TTC6: variants seen among roughly 807,000 people sequenced by gnomAD.
TTC6 encodes the protein tetratricopeptide repeat domain 6.
In TTC6, 172 loss-of-function variants were observed where a neutral mutation model predicts 210.4. The observed-to-expected ratio is 0.82, with a 90% confidence interval of 0.72 to 0.93. The LOEUF (loss-of-function observed/expected upper bound fraction) is 0.93, where lower values mean the gene tolerates loss of function less well. Among genes scored for constraint, TTC6 ranks in the 40% least tolerant of loss-of-function variants. The pLI, the probability that TTC6 is intolerant of heterozygous loss-of-function variation, is 0.00. For missense variants in TTC6, 2,414 were observed against 2,318.1 expected (o/e 1.04, Z -0.85); for synonymous variants, 804 against 819.6 (o/e 0.98, Z 0.32).
intron 14 of TTC6, among the ~76,000 whole-genome samples, chr14:37,771,589 A>G (rs964417933): frequency 2.0e-5 from 3 of 151,814 alleles, no homozygotes; most frequent in Non-Finnish European, 2.9e-5. Flanking sequence ...CTTCCAGTTG[A>G]TTGCATTGGC....
chr14:37,734,580 A>G (rs1424000755), intron 7 of TTC6, among the ~76,000 whole-genome samples: 2 of 152,160 alleles, frequency 1.3e-5, no homozygotes, highest in African/African-American at 4.8e-5. Flanking sequence ...AAAGTTCCTA[A>G]TGTTACCTAA....
At position 37,615,456 on chromosome 14, in the gene TTC6, C is replaced by G. The variant is rs1388261920; in HGVS notation, c.-154-6594C>G. ...TTAGCGCTTTTTGGTATTATCCTTA[C>G]AGGGATATCAGGCTTTCTTTTTTGT... is the stretch of plus-strand genomic sequence containing the variant. On this transcript the variant is annotated intron_variant, in intron 2 of 2. Transcript: ENST00000556845. Among the ~76,000 whole-genome samples the G allele has an allele frequency of 2.6e-5, 4 of 152,078 alleles. No homozygotes were observed. In the South Asian group the frequency reaches 6.2e-4, roughly 24 times the overall value.
chr14:37,690,997 A>C (rs1192963838), intron 3 of TTC6, among the ~76,000 whole-genome samples: 2 of 152,150 alleles, frequency 1.3e-5, no homozygotes, highest in South Asian at 4.1e-4. Flanking sequence ...AAAACATTAA[A>C]AAAACCCCAC....
intron 1 of TTC6, among the ~76,000 whole-genome samples, chr14:37,599,116 C>A (rs929484665): frequency 6.6e-6 from 1 of 152,166 alleles, no homozygotes; most frequent in Non-Finnish European, 1.5e-5. Context: ...TGTGCCTGGC[C>A]TTCGCAGGTG....
At chr14:37,638,079 C>T (rs1227514288) in intron 1 of TTC6, among the ~76,000 whole-genome samples, 3 of 152,004 alleles carry the variant, frequency 2.0e-5, no homozygotes, top group Non-Finnish European at 4.4e-5. Flanking sequence ...CTGTCAACAA[C>T]CCAGATGTCC....
chr14:37,790,955 T>C (rs930163886), intron 16 of TTC6, 118 bp downstream of exon 18: 7 of 801,152 alleles, frequency 8.7e-6, no homozygotes, highest in African/African-American at 7.0e-5. Context: ...GAGACACTTA[T>C]AAAGTCATCC....
chr14:37,705,964 A>G (rs373020108), intron 5 of TTC6, among the ~76,000 whole-genome samples: 2 of 152,270 alleles, frequency 1.3e-5, no homozygotes, highest in African/African-American at 4.8e-5. Context: ...AATGCAGGAA[A>G]TTTGTATACA....
At chr14:37,829,014 C>G (rs1307014840) in intron 29 of TTC6, among the ~76,000 whole-genome samples, 1 of 152,010 alleles carries the variant, frequency 6.6e-6, no homozygotes, top group Non-Finnish European at 1.5e-5. Flanking sequence ...GCCTTCAGCA[C>G]TACAGATTTC....
intron 14 of TTC6, among the ~76,000 whole-genome samples, chr14:37,764,089 A>G (rs937090507): frequency 3.9e-5 from 6 of 151,914 alleles, no homozygotes; most frequent in South Asian, 4.1e-4. Context: ...GAATTTCCCA[A>G]ATTTTCTTCT....
intron 5 of TTC6, among the ~76,000 whole-genome samples, chr14:37,705,665 C>T (rs552991409): frequency 2.6e-5 from 4 of 152,106 alleles, no homozygotes. Flanking sequence ...CATCTGCAAA[C>T]AGGAGAGACA....
At chr14:37,685,553 G>T (rs920446668) in intron 3 of TTC6, among the ~76,000 whole-genome samples, 8 of 152,190 alleles carry the variant, frequency 5.3e-5, no homozygotes, top group Non-Finnish European at 8.8e-5. Flanking sequence ...TTGGAAAAAG[G>T]TTGAGGTTTT....
chr14:37,621,934 C>A, upstream of TTC6: 1 of 609,654 alleles, frequency 1.6e-6, no homozygotes, highest in East Asian at 3.1e-5. Context: ...TCAGGGAGCA[C>A]GGTGAGGTTC....
intron 14 of TTC6, among the ~76,000 whole-genome samples, chr14:37,771,526 C>T (rs1025772178): frequency 6.6e-6 from 1 of 152,094 alleles, no homozygotes; most frequent in South Asian, 2.1e-4. Flanking sequence ...TTTCTCTAAG[C>T]TTCCCTTCTC....
chr14:37,779,690 C>A (rs1369217108), intron 14 of TTC6, among the ~76,000 whole-genome samples: 1 of 152,168 alleles, frequency 6.6e-6, no homozygotes, highest in Non-Finnish European at 1.5e-5. Flanking sequence ...TTTTTTGAAA[C>A]TCTTTATAAA....
intron 22 of TTC6, 93 bp downstream of exon 24, chr14:37,806,603 A>G (rs1416909998): frequency 3.2e-6 from 4 of 1,254,510 alleles, no homozygotes; most frequent in Non-Finnish European, 4.2e-6. Flanking sequence ...ATTACCAACA[A>G]TCAGTTTCTT....
rs2096039866 is a variant in TTC6 at position 37,777,028 on chromosome 14, T to C, written c.3267-10440T>C. On this transcript the variant is annotated intron_variant, in intron 14 of 30. Coordinates refer to ENST00000553443, the Ensembl canonical transcript of TTC6. ...CCTTTCTCATTAGCTACCTTTAGCA[T>C]TTTTTTCTGTCATTTAGACCTTGGA... is the stretch of plus-strand genomic sequence containing the variant. Among the ~76,000 whole-genome samples the C allele has an allele frequency of 5.3e-5, 8 of 152,166 alleles. No individual in the cohort carries two copies. In the South Asian group the frequency reaches 1.7e-3, roughly 31 times the overall value.
intron 3 of TTC6, among the ~76,000 whole-genome samples, chr14:37,689,815 C>A (rs1478329338): frequency 6.6e-6 from 1 of 151,888 alleles, no homozygotes; most frequent in Non-Finnish European, 1.5e-5. Context: ...ACAAGAAATA[C>A]TAAAAGGAGT....
At chr14:37,624,843 G>A (rs1408969442) in intron 1 of TTC6, among the ~76,000 whole-genome samples, 2 of 151,942 alleles carry the variant, frequency 1.3e-5, no homozygotes, top group African/African-American at 4.8e-5. Context: ...GGATGGTCTC[G>A]ATCTCCTGAC....
chr14:37,637,677 A>G (rs1473080718), intron 1 of TTC6, among the ~76,000 whole-genome samples: 15 of 152,200 alleles, frequency 9.9e-5, no homozygotes, highest in Admixed American at 9.8e-4. Context: ...ACATGAACAG[A>G]TATTTTACAA....
Sources: gnomAD v4.1 joint callset for allele counts (sites outside exome capture counted in the v4.1 genomes callset) on GRCh38, gnomAD v4.1.1 for gene constraint, MANE v1.5 for transcripts, NCBI Gene and HGNC (gene_info 2026-07-23, HGNC 2026-07-21) for gene names.